The following ANO3 variants were observed in gnomAD, a reference collection of about 807,000 sequenced individuals.
The protein encoded by ANO3 is anoctamin 3.
A neutral mutation model predicts 144.8 loss-of-function variants in ANO3; 99 were observed. That is an observed-to-expected ratio of 0.68 (90% CI 0.58 to 0.81). The LOEUF (loss-of-function observed/expected upper bound fraction) is 0.81, where lower values mean the gene tolerates loss of function less well. Ranked by LOEUF, ANO3 falls within the 30% of genes least tolerant of loss-of-function variation. The pLI is 0.00. For synonymous variants in ANO3, 414 were observed against 392.6 expected (o/e 1.05, Z -0.64); for missense variants, 905 against 1,202.2 (o/e 0.75, Z 3.66).
intron 1 of ANO3, among the ~76,000 whole-genome samples, chr11:26,360,155 T>TC (rs1383489223): frequency 1.3e-5 from 2 of 149,880 alleles, no homozygotes; most frequent in Non-Finnish European, 3.0e-5. Context: ...TAAGTTTTTT[T>TC]TTCTTCACTG....
At chr11:26,535,728 A>G (rs1199207309) in intron 9 of ANO3, among the ~76,000 whole-genome samples, 2 of 150,592 alleles carry the variant, frequency 1.3e-5, no homozygotes, top group African/African-American at 2.4e-5. Flanking sequence ...AACTACAGGC[A>G]CCCTCCACCA....
At chr11:26,449,277 T>C (rs551836751) in intron 3 of ANO3, among the ~76,000 whole-genome samples, 4 of 152,314 alleles carry the variant, frequency 2.6e-5, no homozygotes, top group South Asian at 4.1e-4. Context: ...ATAATACTTA[T>C]TACCTAAAGT....
At chr11:26,474,150 T>C in intron 4 of ANO3, 1 of 950,800 alleles carries the variant, frequency 1.1e-6, no homozygotes, top group Non-Finnish European at 1.3e-6. Context: ...AGTGCATCAA[T>C]CTAGGAATTC....
At chr11:26,338,764 G>T (rs1264861372) in intron 1 of ANO3, among the ~76,000 whole-genome samples, 1 of 151,758 alleles carries the variant, frequency 6.6e-6, no homozygotes, top group African/African-American at 2.4e-5. Context: ...TGAGGGTCTG[G>T]GGCTTCACTC....
At chr11:26,611,554 T>A (rs1004297178) in intron 17 of ANO3, among the ~76,000 whole-genome samples, 1 of 152,220 alleles carries the variant, frequency 6.6e-6, no homozygotes, top group Non-Finnish European at 1.5e-5. Context: ...GAATGTTCTA[T>A]ATGCAGTTGA....
At chr11:26,598,822 G>A (rs1303156745) in intron 15 of ANO3, 36 bp from the exon 16 acceptor site, 1 of 1,597,432 alleles carries the variant, frequency 6.3e-7, no homozygotes, top group Non-Finnish European at 8.5e-7. Flanking sequence ...TTAGTTTATG[G>A]CTTTGATATT....
At chr11:26,390,510 G>A (rs1856847053) in intron 1 of ANO3, among the ~76,000 whole-genome samples, 1 of 152,050 alleles carries the variant, frequency 6.6e-6, no homozygotes, top group Non-Finnish European at 1.5e-5. Flanking sequence ...AGATAAGGAA[G>A]TTGGCATTTA....
chr11:26,457,631 C>G (rs971445840), intron 3 of ANO3, among the ~76,000 whole-genome samples: 5 of 152,114 alleles, frequency 3.3e-5, no homozygotes, highest in Non-Finnish European at 4.4e-5. Flanking sequence ...CGTTAAAAAA[C>G]TGTAACGGAC....
chr11:26,399,701 G>A (rs1192878215), intron 1 of ANO3, among the ~76,000 whole-genome samples: 1 of 151,720 alleles, frequency 6.6e-6, no homozygotes, highest in African/African-American at 2.4e-5. Flanking sequence ...TTTTGTTGAT[G>A]GTTGAAGGTA....
At chr11:26,296,555 T>A (rs1854093826) in intron 1 of ANO3, among the ~76,000 whole-genome samples, 1 of 152,150 alleles carries the variant, frequency 6.6e-6, no homozygotes, top group Non-Finnish European at 1.5e-5. Context: ...AGTTTTACCA[T>A]GAGACTTGAA....
intron 1 of ANO3, among the ~76,000 whole-genome samples, chr11:26,343,254 A>T (rs1026301623): frequency 6.6e-6 from 1 of 152,194 alleles, no homozygotes; most frequent in African/African-American, 2.4e-5. Context: ...GGCTAATCTC[A>T]TGTATATATT....
At chr11:26,593,123 T>G (rs1040746609) in intron 14 of ANO3, among the ~76,000 whole-genome samples, 4 of 152,166 alleles carry the variant, frequency 2.6e-5, no homozygotes, top group African/African-American at 9.7e-5. Context: ...AATAGTCTCC[T>G]AATGGCTTCC....
chr11:26,397,352 A>T (rs1485686474), intron 1 of ANO3, among the ~76,000 whole-genome samples: 1 of 152,088 alleles, frequency 6.6e-6, no homozygotes, highest in Non-Finnish European at 1.5e-5. Flanking sequence ...AACTGGTATT[A>T]TAATGTTTTA....
intron 1 of ANO3, among the ~76,000 whole-genome samples, chr11:26,250,678 G>T (rs747962147): frequency 1.3e-5 from 2 of 152,114 alleles, no homozygotes; most frequent in Middle Eastern, 3.2e-3. Context: ...GTTTTCTTCT[G>T]TGGGCATTTC....
At chr11:26,563,161 C>A in intron 14 of ANO3, 2 of 1,612,142 alleles carry the variant, frequency 1.2e-6, no homozygotes, top group Non-Finnish European at 1.7e-6. Context: ...GAAAATGAAT[C>A]CGTTTTCCTT....
chr11:26,547,680 T>G (rs1424398319), intron 12 of ANO3, 130 bp downstream of exon 12: 2 of 890,426 alleles, frequency 2.2e-6, no homozygotes, highest in Non-Finnish European at 1.6e-6. Context: ...GCTATTTCTG[T>G]TTTTTGGCTT....
At chr11:26,441,753 C>T (rs1437076330) in intron 1 of ANO3, among the ~76,000 whole-genome samples, 165 bp from the exon 2 acceptor site, 1 of 152,164 alleles carries the variant, frequency 6.6e-6, no homozygotes, top group Non-Finnish European at 1.5e-5. Flanking sequence ...ATCTCAAACA[C>T]TCTTCTTGAC....
intron 1 of ANO3, among the ~76,000 whole-genome samples, chr11:26,199,013 T>C (rs1465577080): frequency 6.6e-6 from 1 of 152,140 alleles, no homozygotes; most frequent in Non-Finnish European, 1.5e-5. Flanking sequence ...AAGTCAAATG[T>C]GGATAGAAAA....
intron 24 of ANO3, among the ~76,000 whole-genome samples, chr11:26,652,805 C>T (rs550978229): frequency 7.2e-5 from 11 of 152,300 alleles, no homozygotes; most frequent in African/African-American, 2.6e-4. Flanking sequence ...AATGTGTATG[C>T]CCCATGGCTC....
Sources: gnomAD v4.1 joint callset for allele counts (sites outside exome capture counted in the v4.1 genomes callset) on GRCh38, gnomAD v4.1.1 for gene constraint, MANE v1.5 for transcripts, NCBI Gene and HGNC (gene_info 2026-07-23, HGNC 2026-07-21) for gene names.